Variants in SEZ6 observed in about 807,000 individuals in gnomAD.
The protein encoded by SEZ6 is seizure related 6 homolog.
A neutral mutation model predicts 101.0 loss-of-function variants in SEZ6; 53 were observed. The ratio of observed to expected loss-of-function variants is 0.52; its 90% CI spans 0.42 to 0.66. The LOEUF is 0.66. Among genes scored for constraint, SEZ6 ranks in the 30% least tolerant of loss-of-function variants. SEZ6 has a pLI of 0.00. For synonymous variants in SEZ6, 488 were observed against 512.2 expected (o/e 0.95, Z 0.64); for missense variants, 1,102 against 1,289.4 (o/e 0.85, Z 2.23).
At chr17:28,962,935 T>G (rs1028668493) in intron 5 of SEZ6, among the ~76,000 whole-genome samples, 1 of 151,166 alleles carries the variant, frequency 6.6e-6, no homozygotes, top group Non-Finnish European at 1.5e-5. Context: ...CCATCTTGGC[T>G]AACATGGTGA....
intron 3 of SEZ6, 43 bp from the exon 4 acceptor site, chr17:28,969,995 C>G: frequency 6.7e-7 from 1 of 1,492,334 alleles, no homozygotes; most frequent in Non-Finnish European, 8.8e-7. Flanking sequence ...AGTCAGACTT[C>G]TTCCTGCTGC....
intron 1 of SEZ6, among the ~76,000 whole-genome samples, chr17:29,002,842 C>T (rs1807656875): frequency 6.6e-6 from 1 of 152,196 alleles, no homozygotes; most frequent in Admixed American, 6.5e-5. Context: ...AGCACTAGGG[C>T]TCCTGGAAGC....
chr17:29,000,430 C>T (rs1473690476), intron 1 of SEZ6, among the ~76,000 whole-genome samples: 3 of 152,210 alleles, frequency 2.0e-5, no homozygotes, highest in Non-Finnish European at 2.9e-5. Flanking sequence ...TCATGTGAAA[C>T]GCTTGACCAG....
At chr17:28,980,290 C>T (rs1227314960) in intron 2 of SEZ6, among the ~76,000 whole-genome samples, 10 of 151,174 alleles carry the variant, frequency 6.6e-5, no homozygotes, top group Non-Finnish European at 1.2e-4. Flanking sequence ...TCACTGCAAC[C>T]TCTGCCTCCT....
rs776896214 is a variant in SEZ6 at position 29,005,823 on chromosome 17, A to C, written c.47T>G (p.Leu16Arg). The C allele has an allele frequency of 6.7e-7, 1 of 1,485,500 alleles. No homozygotes were observed. The highest frequency in any genetic ancestry group is 1.2e-5 in the South Asian group (1 of 80,644). 92.0% of individuals were successfully genotyped at this position (1,485,500 alleles called of 1,614,324 possible). Residue 16 changes from leucine to arginine, a missense_variant, in exon 1 of 17, where the codon CTG becomes CGG. Around this residue, in one of 3 missense-constraint regions of SEZ6, gnomAD observed 406 missense variants for 418.6 expected, o/e 0.97. Coordinates refer to ENST00000317338, the MANE Select transcript of SEZ6 (RefSeq NM_178860.5). The surrounding 1 kb of genome is among the most constrained non-coding windows in gnomAD (Gnocchi z 4.8). Reference protein sequence around the residue: ...LLLLPSLLALLAHGLSLEAPT... With the variant: ...LLLLPSLLALRAHGLSLEAPT... The stretch of plus-strand genomic sequence containing the variant: ...ATGCCGGGGTCCCTTACCGTGAGCC[A>C]GGAGCGCCAGCAGCGAGGGCAGGAG...
At chr17:28,972,314 G>A (rs2041162637) in intron 3 of SEZ6, among the ~76,000 whole-genome samples, 1 of 152,220 alleles carries the variant, frequency 6.6e-6, no homozygotes, top group South Asian at 2.1e-4. Flanking sequence ...TGGGCTGCTG[G>A]AGAGACATTC....
intron 5 of SEZ6, 38 bp from the exon 6 acceptor site, chr17:28,961,011 C>T: frequency 6.3e-7 from 1 of 1,584,778 alleles, no homozygotes; most frequent in Non-Finnish European, 8.6e-7. Flanking sequence ...TAGGCCCCTG[C>T]CTGAACCCAG....
At chr17:29,006,315 G>A (rs1217004531), upstream of SEZ6, 1 of 152,996 alleles carries the variant, frequency 6.5e-6, no homozygotes, top group Non-Finnish European at 1.5e-5. Flanking sequence ...CCATGAGAAA[G>A]AGCAACACTT....
At chr17:28,990,981 C>T (rs60646216) in intron 1 of SEZ6, among the ~76,000 whole-genome samples, 2,366 of 152,238 alleles carry the variant, frequency 0.016, 63 homozygotes, top group African/African-American at 0.054. Flanking sequence ...TCTCGTCTCA[C>T]TGCAACCTCT....
chr17:28,993,092 G>A (rs1262023702), intron 1 of SEZ6, among the ~76,000 whole-genome samples: 1 of 152,040 alleles, frequency 6.6e-6, no homozygotes, highest in African/African-American at 2.4e-5. Context: ...CCAGCCTCTG[G>A]GGTAGGATGG....
rs201821795 is a variant in SEZ6, at chr17:28,959,735, G to T, written c.1734C>A (p.His578Gln). 10 of 1,608,152 alleles carry T rather than the reference G, an allele frequency of 6.2e-6. No individual in the cohort carries two copies. The highest frequency in any genetic ancestry group is 7.6e-6 in the Non-Finnish European group (9 of 1,176,544). ...GSIIIECVDP[H>Q]DPQWNETEPA... ...GCTCTGTCTCATTCCACTGGGGGTC[G>T]TGGGGGTCAACACACTCGATGATGA... Residue 578 changes from histidine (H) to glutamine (Q), a missense_variant, in exon 8 of 17, where the codon CAC (histidine) becomes CAA (glutamine). This residue lies in a region of SEZ6 where 556 missense variants were observed against 735.1 expected (regional missense o/e 0.76). Coordinates refer to ENST00000317338, the MANE Select transcript of SEZ6 (RefSeq NM_178860.5). This position sits in a 1 kb window ranked among gnomAD's most constrained non-coding sequence, Gnocchi z 4.4.
chr17:28,979,558 T>A, intron 3 of SEZ6, 122 bp downstream of exon 3: 1 of 1,429,512 alleles, frequency 7.0e-7, no homozygotes, highest in Non-Finnish European at 9.6e-7. Context: ...AGCCCTGGCC[T>A]TAGGCGATGC....
At position 28,981,786 on chromosome 17, in the gene SEZ6, G is replaced by A. The variant is rs745356648; in HGVS notation, c.309C>T (p.Thr103=). 11 of 1,613,576 alleles carry A rather than the reference G, an allele frequency of 6.8e-6. No homozygotes were observed. The highest frequency in any genetic ancestry group is 9.3e-6 in the Non-Finnish European group (11 of 1,179,574). Residue 103 remains threonine, a synonymous_variant, in exon 2 of 17, where the codon ACC becomes ACT. Coordinates refer to ENST00000317338, the MANE Select transcript of SEZ6 (RefSeq NM_178860.5). The stretch of plus-strand genomic sequence containing the variant: ...TGGCCAGGCGGGGAAGGGGACTTGG[G>A]GTGAAGGGTGCAGGTGGGTCAGGCT... The part of the protein sequence containing the change: ...PFQPDPPAPF[T]PSPLPRLANQ...
At chr17:28,979,636 T>TAC (rs751039358) in intron 3 of SEZ6, 44 bp downstream of exon 3, 1 of 1,612,948 alleles carries the variant, frequency 6.2e-7, no homozygotes, top group African/African-American at 1.3e-5. Context: ...AGAAAGAGAA[T>TAC]ACACCCGCCC....
At chr17:28,984,698 G>T (rs1448739230) in intron 1 of SEZ6, among the ~76,000 whole-genome samples, 1 of 152,208 alleles carries the variant, frequency 6.6e-6, no homozygotes, top group East Asian at 1.9e-4. Flanking sequence ...GTCATAGAGG[G>T]TAAGATAACC....
Position 28,957,427 on chromosome 17 carries a change from C to T in SEZ6, c.2415G>A (p.Leu805=), listed in dbSNP as rs775932684. 13 of 1,613,686 alleles carry T rather than the reference C, an allele frequency of 8.1e-6. No homozygotes were observed. Among genetic ancestry groups the T allele is most frequent in the Admixed American group, 1.7e-5 (1 of 59,996 alleles). Residue 805 remains leucine (L), a synonymous_variant, in exon 12 of 17, where the codon CTG becomes CTA. Coordinates refer to ENST00000317338, the MANE Select transcript of SEZ6 (RefSeq NM_178860.5). The stretch of plus-strand genomic sequence containing the variant: ...GGCAGGTGAGGATGGAGCTGCCCAT[C>T]AGCACAAAACCCTGGTCACAGATAT... ...VQYICDQGFV[L]MGSSILTCHD... is the part of the protein sequence containing the mutation.
chr17:29,005,861 C>A lies in SEZ6; in HGVS notation c.9G>T (p.Pro3=). 2 of 1,471,928 alleles carry A rather than the reference C, an allele frequency of 1.4e-6. No individual in the cohort carries two copies. Among genetic ancestry groups the A allele is most frequent in the Non-Finnish European group, 1.8e-6 (2 of 1,111,354 alleles). 91.2% of individuals were successfully genotyped at this position (1,471,928 alleles called of 1,614,324 possible). A position where few individuals can be genotyped will look rare whatever the true frequency, so the allele number is the denominator to read the frequency against. MR[P]VALLLLPSLL... is the part of the protein sequence containing the mutation. ...GCGAGGGCAGGAGCAGCAGGGCTAC[C>A]GGGCGCATGGTGCTGGTTGCGGCCG... is the stretch of plus-strand genomic sequence containing the variant. The change falls in exon 1 of 17, where the codon CCG becomes CCT. Residue 3 remains proline, a synonymous_variant. Coordinates refer to ENST00000317338, the MANE Select transcript of SEZ6 (RefSeq NM_178860.5). This position sits in a 1 kb window ranked among gnomAD's most constrained non-coding sequence, Gnocchi z 4.8.
chr17:28,987,107 C>A (rs2040275973), intron 1 of SEZ6, among the ~76,000 whole-genome samples: 1 of 152,230 alleles, frequency 6.6e-6, no homozygotes, highest in Admixed American at 6.5e-5. Flanking sequence ...AGGGGGCCCA[C>A]TCCTCTGGGT....
chr17:29,000,438 C>A (rs1277015126), intron 1 of SEZ6, among the ~76,000 whole-genome samples: 1 of 152,208 alleles, frequency 6.6e-6, no homozygotes, highest in Non-Finnish European at 1.5e-5. Flanking sequence ...AACGCTTGAC[C>A]AGTGAAGGCT....
Sources: gnomAD v4.1 joint callset for allele counts (sites outside exome capture counted in the v4.1 genomes callset) on GRCh38, gnomAD v4.1.1 for gene constraint, gnomAD v4.1.1 regional missense constraint, Gnocchi (gnomAD v3.1) non-coding constraint, MANE v1.5 for transcripts, NCBI Gene and HGNC (gene_info 2026-07-23, HGNC 2026-07-21) for gene names.